Variants in UFC1 observed in about 807,000 individuals in gnomAD.
The protein encoded by UFC1 is ubiquitin-fold modifier-conjugating enzyme 1.
Under a neutral mutation model 28.0 loss-of-function variants are expected in UFC1, and 22 were observed. The observed-to-expected ratio is 0.78, with a 90% CI of 0.56 to 1.12. The LOEUF (loss-of-function observed/expected upper bound fraction) is 1.12, where lower values mean the gene tolerates loss of function less well. UFC1 is among the 50% of genes most tolerant of loss of function. The pLI is 0.00. For synonymous variants in UFC1, 61 were observed against 74.5 expected (o/e 0.82, Z 0.93); for missense variants, 189 against 207.8 (o/e 0.91, Z 0.56).
chr1:161,157,301 T>C lies in UFC1; in HGVS notation c.239T>C (p.Phe80Ser), dbSNP rs780172906. The C allele has an allele frequency of 5.6e-6, 9 of 1,614,242 alleles. No homozygotes were observed. Among genetic ancestry groups the C allele is most frequent in the Non-Finnish European group, 5.9e-6 (7 of 1,180,050 alleles). Residue 80 changes from phenylalanine to serine, a missense_variant, in exon 3 of 6, where the codon TTT (phenylalanine) becomes TCT (serine). Physicochemically the swap from Phe to Ser is radical, Grantham distance 155. Coordinates refer to ENST00000368003, the MANE Select transcript of UFC1 (RefSeq NM_016406.4). ...WYIHDLLKYEFDIEFDIPITY... is the reference protein window; with the variant it reads ...WYIHDLLKYESDIEFDIPITY... Reference sequence around the variant, plus strand: ...ATCCATGACCTCCTGAAATATGAGTTTGACATCGAGTTTGACGTGAGTGTG... The same window carrying C: ...ATCCATGACCTCCTGAAATATGAGTCTGACATCGAGTTTGACGTGAGTGTG...
Position 161,158,634 on chromosome 1 carries a change from G to C in UFC1, c.*142G>C, listed in dbSNP as rs1055569813. On this transcript the variant is annotated 3_prime_UTR_variant, in exon 6 of 6. Transcript: ENST00000368003. ...TTACTAAGTAGCTGCAGTAGGCATT[G>C]CTGGGGAAGAAACAAACACACACCA... 1 of 815,216 alleles carries C rather than the reference G, an allele frequency of 1.2e-6. No individual in the cohort carries two copies. Among genetic ancestry groups the C allele is most frequent in the African/African-American group, 1.7e-5 (1 of 59,230 alleles). 50.5% of individuals were successfully genotyped at this position (815,216 alleles called of 1,614,324 possible).
intron 1 of UFC1, 151 bp downstream of exon 1, chr1:161,154,271 A>G: frequency 7.5e-7 from 1 of 1,334,054 alleles, no homozygotes; most frequent in Non-Finnish European, 1.0e-6. Context: ...CTCGGGGACT[A>G]AGGAGGGATG....
chr1:161,156,266 C>T (rs570777979), intron 1 of UFC1, among the ~76,000 whole-genome samples: 1 of 152,154 alleles, frequency 6.6e-6, no homozygotes, highest in South Asian at 2.1e-4. Flanking sequence ...CGTGGTGGCT[C>T]ACGCCTCTAA....
chr1:161,158,028 C>T (rs1657591253), intron 4 of UFC1, 93 bp from the exon 5 acceptor site: 2 of 1,129,270 alleles, frequency 1.8e-6, no homozygotes, highest in Non-Finnish European at 2.6e-6. Flanking sequence ...GTTCTCAATT[C>T]TGATCACTAG....
At chr1:161,155,579 C>T (rs961619667) in intron 1 of UFC1, among the ~76,000 whole-genome samples, 2 of 152,076 alleles carry the variant, frequency 1.3e-5, no homozygotes, top group African/African-American at 4.8e-5. Flanking sequence ...AGGGACAAGA[C>T]TGAAGGTAAG....
At chr1:161,158,058 A>G in intron 4 of UFC1, 63 bp from the exon 5 acceptor site, 1 of 1,405,286 alleles carries the variant, frequency 7.1e-7, no homozygotes, top group Non-Finnish European at 1.0e-6. Flanking sequence ...TATGCCCCCA[A>G]GAGGCTGCTG....
At chr1:161,154,740 C>T (rs1194746762) in intron 1 of UFC1, among the ~76,000 whole-genome samples, 1 of 152,276 alleles carries the variant, frequency 6.6e-6, no homozygotes, top group East Asian at 1.9e-4. Flanking sequence ...CCACCCGCCT[C>T]GGCCTCCCAA....
In UFC1 at chr1:161,157,423, T is replaced by G; in HGVS notation, c.255+106T>G. The G allele has an allele frequency of 4.7e-6, 7 of 1,487,602 alleles. No homozygotes were observed. In the South Asian group the frequency reaches 8.1e-5, roughly 17 times the overall value. The allele number at this position is 1,487,602 out of a possible 1,614,324, so 92.2% of individuals were successfully genotyped here. On this transcript the variant is annotated intron_variant, in intron 3 of 5. Coordinates refer to ENST00000368003, the MANE Select transcript of UFC1 (RefSeq NM_016406.4). ...AAGGGACCAAAGAAAACTTTAAAAATGGGAGAGAAAAGCTGAGGTTTGAGG... is the reference window on the plus strand; with the variant it reads ...AAGGGACCAAAGAAAACTTTAAAAAGGGGAGAGAAAAGCTGAGGTTTGAGG...
Position 161,158,471 on chromosome 1 carries a change from CAA to C in UFC1, c.485_486del (p.Lys162ArgfsTer19), listed in dbSNP as rs1396510054. 6.2e-7 allele frequency: 1 copy of C among 1,614,162 alleles called. No individual in the cohort carries two copies. The highest frequency in any genetic ancestry group is 8.5e-7 in the Non-Finnish European group (1 of 1,180,036). On this transcript the variant is annotated frameshift_variant, in exon 6 of 6. Coordinates refer to ENST00000368003, the MANE Select transcript of UFC1 (RefSeq NM_016406.4). LOFTEE classifies it high-confidence loss of function. ...DLIQKGVIQH[K>X]EKCNQ ...TGATTCAGAAGGGCGTCATCCAACACAAAGAGAAATGCAACCAATGAAGAATC... is the reference window on the plus strand; with the variant it reads ...TGATTCAGAAGGGCGTCATCCAACACAGAGAAATGCAACCAATGAAGAATC...
At chr1:161,154,998 TA>T (rs879522080) in intron 1 of UFC1, among the ~76,000 whole-genome samples, 140 of 144,626 alleles carry the variant, frequency 9.7e-4, no homozygotes, top group Admixed American at 1.4e-3. Context: ...ATTCATTCAC[TA>T]AAAAAAAAAA....
chr1:161,158,253 T>G, intron 5 of UFC1, 42 bp downstream of exon 5: 2 of 1,601,498 alleles, frequency 1.2e-6, no homozygotes, highest in Non-Finnish European at 1.7e-6. Context: ...AAGAGGGACT[T>G]AGGCCCTGAG....
intron 5 of UFC1, 87 bp downstream of exon 5, chr1:161,158,298 A>T: frequency 6.4e-7 from 1 of 1,569,892 alleles, no homozygotes. Context: ...TAAAAGGAAT[A>T]ACAGTGATGT....
chr1:161,156,715 G>A (rs550144687), intron 1 of UFC1, among the ~76,000 whole-genome samples: 5 of 151,938 alleles, frequency 3.3e-5, no homozygotes, highest in East Asian at 1.9e-4. Flanking sequence ...GGTGGTGCAC[G>A]CCTGTAATCC....
intron 1 of UFC1, 73 bp downstream of exon 1, chr1:161,154,193 C>T (rs1255714823): frequency 7.6e-5 from 119 of 1,575,730 alleles, no homozygotes; most frequent in Non-Finnish European, 9.8e-5. Context: ...ATAATAGGCT[C>T]CGTGTGGAAG....
At chr1:161,157,138 G>C in intron 2 of UFC1, 116 bp from the exon 3 acceptor site, 1 of 1,512,568 alleles carries the variant, frequency 6.6e-7, no homozygotes, top group Non-Finnish European at 9.2e-7. Context: ...CTCCCACAGC[G>C]CCAGAGTTCC....
At chr1:161,158,378 G>A (rs764044659) in intron 5 of UFC1, 34 bp from the exon 6 acceptor site, 1 of 1,612,766 alleles carries the variant, frequency 6.2e-7, no homozygotes, top group Non-Finnish European at 8.5e-7. Context: ...GCATTGACTG[G>A]TAGTAATCTC....
At chr1:161,157,113 T>A (rs1374640794) in intron 2 of UFC1, 96 bp downstream of exon 2, 5 of 1,495,516 alleles carry the variant, frequency 3.3e-6, no homozygotes, top group Non-Finnish European at 4.7e-6. Context: ...CCCTGTCACA[T>A]GTTAGCTGTC....
At chr1:161,155,877 T>C (rs947367103) in intron 1 of UFC1, among the ~76,000 whole-genome samples, 5 of 152,186 alleles carry the variant, frequency 3.3e-5, no homozygotes, top group African/African-American at 1.2e-4. Context: ...TTGAAGTACC[T>C]GTGAAATGAA....
In UFC1 at chr1:161,158,678, T is replaced by C. The variant is rs567581825; in HGVS notation, c.*186T>C. The C allele has an allele frequency of 1.1e-4, 68 of 636,512 alleles. 2 individuals are homozygous for C. Among genetic ancestry groups the C allele is most frequent in the South Asian group, 9.9e-4 (55 of 55,400 alleles). The allele number at this position is 636,512 out of a possible 1,614,324, so 39.4% of individuals were successfully genotyped here. A position where few individuals can be genotyped will look rare whatever the true frequency, so the allele number is the denominator to read the frequency against. ...CACACCAAACAGTACTGCTACTTAGTTTCTAAGGCTGCACAGGGAAGGGAA... is the reference window on the plus strand; with the variant it reads ...CACACCAAACAGTACTGCTACTTAGCTTCTAAGGCTGCACAGGGAAGGGAA... On this transcript the variant is annotated 3_prime_UTR_variant, in exon 6 of 6. Transcript: ENST00000368003.
Sources: gnomAD v4.1 joint callset for allele counts (sites outside exome capture counted in the v4.1 genomes callset) on GRCh38, gnomAD v4.1.1 for gene constraint, MANE v1.5 for transcripts, NCBI Gene and HGNC (gene_info 2026-07-23, HGNC 2026-07-21) for gene names.